The following ME3 variants were observed in gnomAD, a reference collection of about 807,000 sequenced individuals.
ME3 encodes the protein malic enzyme 3.
Under a neutral mutation model 68.9 loss-of-function variants are expected in ME3, and 48 were observed. The ratio of observed to expected loss-of-function variants is 0.70; its 90% CI spans 0.55 to 0.89. The LOEUF (loss-of-function observed/expected upper bound fraction) is 0.89, where lower values mean the gene tolerates loss of function less well. ME3 is among the 40% of genes least tolerant of loss of function. The probability of loss-of-function intolerance (pLI) is 0.00; values close to 1 mark genes in which losing one functional copy is unlikely to be tolerated. For synonymous variants in ME3, 320 were observed against 318.8 expected (o/e 1.00, Z -0.04); for missense variants, 675 against 797.4 (o/e 0.85, Z 1.85).
chr11:86,529,868 G>T (rs529997655), intron 4 of ME3, among the ~76,000 whole-genome samples: 1 of 152,116 alleles, frequency 6.6e-6, no homozygotes, highest in African/African-American at 2.4e-5. Flanking sequence ...AATAATAAGG[G>T]TTGTCTATGA....
intron 2 of ME3, among the ~76,000 whole-genome samples, chr11:86,597,135 G>C (rs1026266348): frequency 2.0e-5 from 3 of 152,218 alleles, no homozygotes; most frequent in African/African-American, 7.2e-5. Context: ...TCCCAGACTT[G>C]CGAATGACAT....
intron 2 of ME3, among the ~76,000 whole-genome samples, chr11:86,608,282 C>G (rs1938935): frequency 0.4 from 60,605 of 151,872 alleles, 12,723 homozygotes; most frequent in East Asian, 0.71. Flanking sequence ...CTGCCGTGTA[C>G]CTCTTGAGTC....
intron 7 of ME3, among the ~76,000 whole-genome samples, chr11:86,467,339 TG>T (rs1950531263): frequency 6.6e-6 from 1 of 152,136 alleles, no homozygotes; most frequent in Admixed American, 6.5e-5. Context: ...GGAGGTTTGG[TG>T]GGGGGCTCAC....
intron 6 of ME3, among the ~76,000 whole-genome samples, chr11:86,489,339 C>G (rs1202996231): frequency 6.6e-6 from 1 of 152,084 alleles, no homozygotes; most frequent in Non-Finnish European, 1.5e-5. Flanking sequence ...AAAATAGGGG[C>G]TGCATGGGGA....
chr11:86,653,152 T>G (rs1303489338), intron 2 of ME3, among the ~76,000 whole-genome samples: 3 of 152,124 alleles, frequency 2.0e-5, no homozygotes, highest in Non-Finnish European at 2.9e-5. Flanking sequence ...AATGGGAGAC[T>G]TTAACACCCC....
chr11:86,557,641 A>G (rs1009411259), intron 3 of ME3, among the ~76,000 whole-genome samples: 3 of 152,126 alleles, frequency 2.0e-5, no homozygotes, highest in Non-Finnish European at 2.9e-5. Context: ...CCTCTGTACC[A>G]AAGGAATTAC....
chr11:86,559,498 G>T (rs775868499), intron 3 of ME3, among the ~76,000 whole-genome samples, 192 bp downstream of exon 3: 1 of 152,174 alleles, frequency 6.6e-6, no homozygotes. Context: ...CATGTCAGCT[G>T]TGTCTCAGTC....
chr11:86,545,804 A>G (rs1441345746), intron 4 of ME3, among the ~76,000 whole-genome samples: 5 of 152,216 alleles, frequency 3.3e-5, no homozygotes, highest in Non-Finnish European at 7.3e-5. Flanking sequence ...ACAGAATTAG[A>G]AAAAACTACT....
At chr11:86,550,925 G>A (rs1289899028) in intron 4 of ME3, among the ~76,000 whole-genome samples, 1 of 152,074 alleles carries the variant, frequency 6.6e-6, no homozygotes, top group Admixed American at 6.5e-5. Flanking sequence ...GGGTATTTAG[G>A]AAGCAGAGGT....
exon 2 of ME3, chr11:86,671,885 G>T: frequency 6.6e-7 from 1 of 1,526,420 alleles, no homozygotes; most frequent in Non-Finnish European, 8.7e-7. Context: ...GCGGGAGGGC[G>T]CCGCAGGCCC....
chr11:86,489,968 C>T (rs1317871343), intron 6 of ME3, among the ~76,000 whole-genome samples: 3 of 152,122 alleles, frequency 2.0e-5, no homozygotes, highest in African/African-American at 7.2e-5. Flanking sequence ...ACCTTGGACT[C>T]GTAAGTGCAG....
At chr11:86,491,504 G>T (rs1218893602) in intron 6 of ME3, among the ~76,000 whole-genome samples, 1 of 152,198 alleles carries the variant, frequency 6.6e-6, no homozygotes, top group Non-Finnish European at 1.5e-5. Context: ...TAGTCAACTG[G>T]TTCTCCTTTA....
chr11:86,559,617 C>T, intron 3 of ME3, 73 bp downstream of exon 3: 1 of 1,486,304 alleles, frequency 6.7e-7, no homozygotes, highest in South Asian at 1.4e-5. Context: ...TTCCAGAAAA[C>T]CCTCTGTGAA....
At chr11:86,498,403 A>G (rs897335455) in intron 5 of ME3, among the ~76,000 whole-genome samples, 4 of 152,184 alleles carry the variant, frequency 2.6e-5, no homozygotes, top group Admixed American at 1.3e-4. Flanking sequence ...CTGGAGGGAA[A>G]CCACATTAAG....
chr11:86,525,322 A>G (rs945403442), intron 4 of ME3, among the ~76,000 whole-genome samples: 1 of 152,230 alleles, frequency 6.6e-6, no homozygotes, highest in Admixed American at 6.5e-5. Context: ...AGTTTCTAAC[A>G]GAAACTTTTG....
chr11:86,448,869 A>T (rs990454587), intron 10 of ME3, among the ~76,000 whole-genome samples: 8 of 152,218 alleles, frequency 5.3e-5, no homozygotes, highest in Non-Finnish European at 1.2e-4. Context: ...CTGGCCTCAT[A>T]GGAACCAGTG....
chr11:86,442,853 T>C, exon 14 of ME3: 2 of 1,613,224 alleles, frequency 1.2e-6, no homozygotes, highest in East Asian at 4.5e-5. Flanking sequence ...ACGTCTCGGA[T>C]GGTGCTGAGT....
chr11:86,646,542 TG>T (rs1174723496), intron 2 of ME3, among the ~76,000 whole-genome samples: 3 of 152,146 alleles, frequency 2.0e-5, no homozygotes, highest in African/African-American at 7.2e-5. Context: ...CTAAGAAATA[TG>T]GGACTATGTG....
chr11:86,531,684 T>C (rs1955244624), intron 4 of ME3, among the ~76,000 whole-genome samples: 1 of 151,992 alleles, frequency 6.6e-6, no homozygotes, highest in Non-Finnish European at 1.5e-5. Flanking sequence ...AAATGATGAG[T>C]TCATGTCCTT....
Sources: gnomAD v4.1 joint callset for allele counts (sites outside exome capture counted in the v4.1 genomes callset) on GRCh38, gnomAD v4.1.1 for gene constraint, MANE v1.5 for transcripts, NCBI Gene and HGNC (gene_info 2026-07-23, HGNC 2026-07-21) for gene names.